The following SYNE2 variants were observed in gnomAD, a reference collection of about 807,000 sequenced individuals.
SYNE2 encodes the protein spectrin repeat containing nuclear envelope protein 2, also known as nesprin-2.
A neutral mutation model predicts 856.3 loss-of-function variants in SYNE2; 431 were observed. The ratio of observed to expected loss-of-function variants is 0.50; its 90% CI spans 0.47 to 0.55. The LOEUF is 0.55. Ranked by LOEUF, SYNE2 falls within the 20% of genes least tolerant of loss-of-function variation. SYNE2 has a pLI of 0.00. For synonymous variants in SYNE2, 2,923 were observed against 2,872.3 expected (o/e 1.02, Z -0.56); for missense variants, 8,129 against 8,023.2 (o/e 1.01, Z -0.50).
rs1243492280 is a variant in SYNE2, at chr14:63,977,983, G to C, written c.1372G>C (p.Val458Leu). Residue 458 changes from valine (V) to leucine (L), a missense_variant, in exon 13 of 116, where the codon GTA becomes CTA. Val to Leu is a conservative substitution (Grantham distance 32). Around this residue, in one of 3 missense-constraint regions of SYNE2, gnomAD observed 2,422 missense variants for 2,357.4 expected, o/e 1.03. Coordinates refer to ENST00000555002, the MANE Select transcript of SYNE2 (RefSeq NM_182914.3). ...TAAGGATGAAAATCACTTGCCATTG[G>C]TACCACCTAACAAATTGGAGGAAAT... is the stretch of plus-strand genomic sequence containing the variant. ...ENKDENHLPL[V>L]PPNKLEEMKR... 1.2e-6 allele frequency: 2 copies of C among 1,613,404 alleles called. No homozygotes were observed. The highest frequency in any genetic ancestry group is 3.3e-5 in the Admixed American group (2 of 60,018).
intron 56 of SYNE2, among the ~76,000 whole-genome samples, chr14:64,081,175 A>G (rs529693833): frequency 2.0e-5 from 3 of 152,338 alleles, no homozygotes; most frequent in Admixed American, 6.5e-5. Flanking sequence ...GAGAACCAGA[A>G]TACTTGCAAG....
Position 64,130,232 on chromosome 14 carries a change from A to C in SYNE2, c.14324A>C (p.Gln4775Pro). 1 of 1,612,686 alleles carries C rather than the reference A, an allele frequency of 6.2e-7. No homozygotes were observed. The highest frequency in any genetic ancestry group is 8.5e-7 in the Non-Finnish European group (1 of 1,179,324). Residue 4775 changes from glutamine to proline, a missense_variant, in exon 76 of 116, where the codon CAA (glutamine) becomes CCA (proline). Physicochemically the swap from Gln to Pro is moderately conservative, Grantham distance 76. Transcript: ENST00000555002. The part of the protein sequence containing the change: ...QTKSKVALQA[Q>P]IENHKVFFQK... ...AAAAGTAAAGTGGCGTTACAGGCTC[A>C]AATAGAAAATCACAAGGTGAGACAG...
Position 64,003,126 on chromosome 14 carries a change from C to T in SYNE2, c.4193C>T (p.Ser1398Phe). 2 of 1,614,126 alleles carry T rather than the reference C, an allele frequency of 1.2e-6. No individual in the cohort carries two copies. Among genetic ancestry groups the T allele is most frequent in the Non-Finnish European group, 1.7e-6 (2 of 1,179,994 alleles). The change falls in exon 30 of 116, where the codon TCC becomes TTC. Residue 1398 changes from serine to phenylalanine, a missense_variant. By Grantham distance (155) the Ser-to-Phe change is radical. Coordinates refer to ENST00000555002, the MANE Select transcript of SYNE2 (RefSeq NM_182914.3). ...FKDAERGDDTSCENLLDAFSI... is the reference protein window; with the variant it reads ...FKDAERGDDTFCENLLDAFSI... ...GATGCTGAACGGGGTGATGACACCT[C>T]CTGTGAAAACCTGCTTGATGCTTTT...
At chr14:63,951,289 C>T (rs1361008306) in intron 7 of SYNE2, among the ~76,000 whole-genome samples, 1 of 151,994 alleles carries the variant, frequency 6.6e-6, no homozygotes, top group Non-Finnish European at 1.5e-5. Flanking sequence ...TGAAGTTCTG[C>T]TTTCAGCCTT....
intron 1 of SYNE2, among the ~76,000 whole-genome samples, chr14:63,806,321 GAATAA>G (rs1201954238): frequency 6.6e-6 from 1 of 152,176 alleles, no homozygotes; most frequent in Non-Finnish European, 1.5e-5. Flanking sequence ...TGCATTCCAG[GAATAA>G]AGGCTACTTG....
chr14:64,080,418 C>A, intron 55 of SYNE2, 38 bp from the exon 56 acceptor site: 1 of 1,606,394 alleles, frequency 6.2e-7, no homozygotes, highest in Non-Finnish European at 8.5e-7. Flanking sequence ...TAAACTATGA[C>A]CTCTTCATTC....
At chr14:63,984,073 C>G (rs577697999) in intron 18 of SYNE2, among the ~76,000 whole-genome samples, 187 bp downstream of exon 18, 1 of 152,200 alleles carries the variant, frequency 6.6e-6, no homozygotes, top group Non-Finnish European at 1.5e-5. Context: ...AAAACCCTGT[C>G]TATACCAAAA....
intron 11 of SYNE2, among the ~76,000 whole-genome samples, chr14:63,974,640 C>G (rs762697313): frequency 6.7e-6 from 1 of 150,352 alleles, no homozygotes; most frequent in Non-Finnish European, 1.5e-5. Context: ...CTCACTGCAG[C>G]CTCCACCTCC....
chr14:64,223,391 T>G lies in SYNE2; in HGVS notation c.20382+11T>G, dbSNP rs1243322392. On this transcript the variant is annotated intron_variant, in intron 113 of 115. Coordinates refer to ENST00000555002, the MANE Select transcript of SYNE2 (RefSeq NM_182914.3). ...TTGCAGGGAACCCAGGTGAGTCTACTTGTAGCTTTTAACTGTAAAGATTGC... is the reference window on the plus strand; with the variant it reads ...TTGCAGGGAACCCAGGTGAGTCTACGTGTAGCTTTTAACTGTAAAGATTGC... 1 of 1,613,298 alleles carries G rather than the reference T, an allele frequency of 6.2e-7. No individual in the cohort carries two copies. The highest frequency in any genetic ancestry group is 1.1e-5 in the South Asian group (1 of 90,832).
chr14:63,877,990 T>G (rs2094766865), intron 1 of SYNE2, among the ~76,000 whole-genome samples: 1 of 151,944 alleles, frequency 6.6e-6, no homozygotes, highest in Non-Finnish European at 1.5e-5. Context: ...TGGGCTCAAG[T>G]GATCCTCCCA....
intron 58 of SYNE2, among the ~76,000 whole-genome samples, chr14:64,088,278 G>A (rs1455108412): frequency 6.6e-6 from 1 of 152,132 alleles, no homozygotes; most frequent in African/African-American, 2.4e-5. Context: ...CTCATTTGTG[G>A]AATTATATTT....
In SYNE2 at chr14:64,121,033, G is replaced by T. The variant is rs548347233; in HGVS notation, c.13130G>T (p.Ser4377Ile). The change falls in exon 68 of 116, where the codon AGC (serine) becomes ATC (isoleucine). Residue 4377 changes from serine (S) to isoleucine (I), a missense_variant. Physicochemically the swap from Ser to Ile is moderately radical, Grantham distance 142 (BLOSUM62 -2). Coordinates refer to ENST00000555002, the MANE Select transcript of SYNE2 (RefSeq NM_182914.3). ...ATTGTAACTGAAAGGCCACAATTCAGCAGACAAAAAGATTTCCAGCAGCAA... is the reference window on the plus strand; with the variant it reads ...ATTGTAACTGAAAGGCCACAATTCATCAGACAAAAAGATTTCCAGCAGCAA... ...ESIVTERPQF[S>I]RQKDFQQQQV... 1 of 1,614,074 alleles carries T rather than the reference G, an allele frequency of 6.2e-7. No homozygotes were observed. Among genetic ancestry groups the T allele is most frequent in the Admixed American group, 1.7e-5 (1 of 59,994 alleles).
chr14:64,198,188 T>A (rs188976475), intron 99 of SYNE2, among the ~76,000 whole-genome samples: 1 of 152,330 alleles, frequency 6.6e-6, no homozygotes, highest in Non-Finnish European at 1.5e-5. Context: ...CCTGGGCAAG[T>A]GCAGAGATGG....
At chr14:63,819,527 G>C (rs1426837087) in intron 1 of SYNE2, among the ~76,000 whole-genome samples, 1 of 150,454 alleles carries the variant, frequency 6.6e-6, no homozygotes, top group East Asian at 2.0e-4. Context: ...CACCATGCCT[G>C]GCCAATTTTA....
chr14:64,151,369 A>C (rs953823371), intron 84 of SYNE2, among the ~76,000 whole-genome samples: 2 of 142,430 alleles, frequency 1.4e-5, no homozygotes, highest in Non-Finnish European at 3.0e-5. Context: ...CCCACGAGGC[A>C]CTCATGTTTC....
At chr14:64,089,001 C>T (rs1195735090) in intron 58 of SYNE2, among the ~76,000 whole-genome samples, 1 of 152,126 alleles carries the variant, frequency 6.6e-6, no homozygotes, top group East Asian at 1.9e-4. Context: ...TGTAATTTAA[C>T]TTTTCCTCAT....
At chr14:64,094,027 T>C (rs1486580509) in intron 61 of SYNE2, among the ~76,000 whole-genome samples, 1 of 152,178 alleles carries the variant, frequency 6.6e-6, no homozygotes, top group Non-Finnish European at 1.5e-5. Flanking sequence ...TATTGCCATA[T>C]GTCAGAATTA....
chr14:64,190,683 G>C lies in SYNE2; in HGVS notation c.18038+446G>C, dbSNP rs1567598767. 3 of 694,012 alleles carry C rather than the reference G, an allele frequency of 4.3e-6. No homozygotes were observed. The East Asian group carries it at 8.1e-5, about 19-fold the overall frequency. The allele number at this position is 694,012 out of a possible 1,614,324, so 43.0% of individuals were successfully genotyped here. A position where few individuals can be genotyped will look rare whatever the true frequency, so the allele number is the denominator to read the frequency against. On this transcript the variant is annotated intron_variant, in intron 99 of 115. Transcript: ENST00000555002. ...TGCCCCACTACTTGCACTCAAGGCA[G>C]GGGCAGGAGTCTACTCTTAAAGTGT...
At chr14:64,216,057 A>G in intron 107 of SYNE2, 191 bp from the exon 108 acceptor site, 3 of 1,495,916 alleles carry the variant, frequency 2.0e-6, no homozygotes, top group Non-Finnish European at 2.7e-6. Flanking sequence ...GTACCCATCT[A>G]GTGAAGGCAC....
Sources: gnomAD v4.1 joint callset for allele counts (sites outside exome capture counted in the v4.1 genomes callset) on GRCh38, gnomAD v4.1.1 for gene constraint, gnomAD v4.1.1 regional missense constraint, MANE v1.5 for transcripts, NCBI Gene and HGNC (gene_info 2026-07-23, HGNC 2026-07-21) for gene names.